Variants in DLG2 observed in about 807,000 individuals in gnomAD.
DLG2 encodes the protein disks large homolog 2.
In DLG2, 45 loss-of-function variants were observed where a neutral mutation model predicts 132.5. That is an observed-to-expected ratio of 0.34 (90% CI 0.27 to 0.44). The LOEUF (loss-of-function observed/expected upper bound fraction) is 0.44, where lower values mean the gene tolerates loss of function less well. DLG2 is among the 20% of genes least tolerant of loss of function. The pLI is 1.00. For missense variants in DLG2, 1,045 were observed against 1,196.9 expected (o/e 0.87, Z 1.87); for synonymous variants, 424 against 419.6 (o/e 1.01, Z -0.13).
chr11:85,589,735 T>C (rs2079191691), intron 3 of DLG2, among the ~76,000 whole-genome samples: 1 of 152,040 alleles, frequency 6.6e-6, no homozygotes, highest in South Asian at 2.1e-4. Context: ...AGCCTGCACA[T>C]GGGACTCAGA....
chr11:84,848,252 G>C (rs1480037964), intron 6 of DLG2, among the ~76,000 whole-genome samples: 1 of 152,106 alleles, frequency 6.6e-6, no homozygotes, highest in Non-Finnish European at 1.5e-5. Flanking sequence ...CCAGCACTTT[G>C]GGAGGCTGAG....
chr11:83,889,144 G>T (rs1280182960), intron 15 of DLG2, among the ~76,000 whole-genome samples: 1 of 152,052 alleles, frequency 6.6e-6, no homozygotes, highest in Non-Finnish European at 1.5e-5. Flanking sequence ...CACAGCAAAA[G>T]AAACTACCAT....
chr11:85,269,614 G>A (rs1595842339), intron 4 of DLG2, among the ~76,000 whole-genome samples: 1 of 152,266 alleles, frequency 6.6e-6, no homozygotes, highest in Non-Finnish European at 1.5e-5. Context: ...TAAGAAGCTT[G>A]GCATACTGTT....
At chr11:83,674,090 G>A (rs1175053230) in intron 18 of DLG2, among the ~76,000 whole-genome samples, 1 of 152,134 alleles carries the variant, frequency 6.6e-6, no homozygotes, top group Non-Finnish European at 1.5e-5. Flanking sequence ...AATAAGATGA[G>A]TATTACATAG....
At chr11:84,748,216 A>G (rs2065637391) in intron 6 of DLG2, among the ~76,000 whole-genome samples, 1 of 152,174 alleles carries the variant, frequency 6.6e-6, no homozygotes. Context: ...AGGCCTGCCA[A>G]CTAGATTCTC....
intron 21 of DLG2, among the ~76,000 whole-genome samples, chr11:83,523,837 G>A (rs927311657): frequency 2.6e-5 from 4 of 152,156 alleles, no homozygotes; most frequent in African/African-American, 9.7e-5. Flanking sequence ...GGCAGGGGCA[G>A]GGGGCGGGGT....
chr11:83,691,213 T>C (rs989004752), intron 18 of DLG2, among the ~76,000 whole-genome samples: 1 of 152,174 alleles, frequency 6.6e-6, no homozygotes, highest in Non-Finnish European at 1.5e-5. Flanking sequence ...AAGGCTGAAA[T>C]ATGCACTTGA....
intron 6 of DLG2, among the ~76,000 whole-genome samples, chr11:84,567,651 G>T (rs769193695): frequency 6.6e-6 from 1 of 152,108 alleles, no homozygotes; most frequent in Admixed American, 6.5e-5. Flanking sequence ...TGAAAGTAGC[G>T]GCTGTTACTT....
chr11:85,010,821 C>T (rs866069936), intron 6 of DLG2, among the ~76,000 whole-genome samples: 5 of 152,074 alleles, frequency 3.3e-5, no homozygotes, highest in South Asian at 4.1e-4. Flanking sequence ...TTGGTTTCCA[C>T]CGCAAAACAA....
intron 6 of DLG2, among the ~76,000 whole-genome samples, chr11:84,903,416 C>A (rs2091135373): frequency 6.6e-6 from 1 of 152,076 alleles, no homozygotes; most frequent in Non-Finnish European, 1.5e-5. Context: ...TTAGCTAAGG[C>A]CCCACCATTC....
In DLG2 at chr11:85,455,906, C is replaced by T. The variant is rs2092406392; in HGVS notation, c.40+142751G>A. 2.0e-5 allele frequency among the ~76,000 whole-genome samples: 3 copies of T among 152,108 alleles called. No homozygotes were observed. The South Asian group carries it at 6.2e-4, about 32-fold the overall frequency. On this transcript the variant is annotated intron_variant, in intron 3 of 27. Transcript: ENST00000376104. ...GGTGGATTAGATTTTTGATGTGCTGCTGAGTTCAGTTTGCTACTATTTTGT... is the reference window on the plus strand; with the variant it reads ...GGTGGATTAGATTTTTGATGTGCTGTTGAGTTCAGTTTGCTACTATTTTGT...
In DLG2 at chr11:84,611,628, AT is replaced by A. The variant is rs1196733887; in HGVS notation, c.358-76898del. 2.6e-5 allele frequency among the ~76,000 whole-genome samples: 4 copies of A among 152,092 alleles called. No homozygotes were observed. In the South Asian group the frequency reaches 6.2e-4, roughly 24 times the overall value. On this transcript the variant is annotated intron_variant, in intron 6 of 27. Coordinates refer to ENST00000376104, the MANE Select transcript of DLG2 (RefSeq NM_001142699.3). ...TGCCAGGAAACCAGTAATTAAAATC[AT>A]TTTTTTAAATAGCTGGTAAGTCAGC...
In DLG2 at chr11:84,973,996, T is replaced by C. The variant is rs1462437077; in HGVS notation, c.357+137665A>G. Among the ~76,000 whole-genome samples, 2 of 152,218 alleles carry C rather than the reference T, an allele frequency of 1.3e-5. 1 individual carries two copies. The highest frequency in any genetic ancestry group is 2.9e-5 in the Non-Finnish European group (2 of 68,052). ...TTTGGCCCACTAGCCACCATTTATT[T>C]ACTTATTTAAGATGAAAGTAGATAG... On this transcript the variant is annotated intron_variant, in intron 6 of 27. Coordinates refer to ENST00000376104, the MANE Select transcript of DLG2 (RefSeq NM_001142699.3).
At chr11:85,169,641 C>A (rs1200218506) in intron 4 of DLG2, among the ~76,000 whole-genome samples, 1 of 152,114 alleles carries the variant, frequency 6.6e-6, no homozygotes, top group Non-Finnish European at 1.5e-5. Context: ...ACCTTAAGAA[C>A]AGACAATAGT....
At chr11:84,727,346 T>C (rs1263695359) in intron 6 of DLG2, among the ~76,000 whole-genome samples, 1 of 152,200 alleles carries the variant, frequency 6.6e-6, no homozygotes. Context: ...ATTTATTAAA[T>C]AGGGAATCTT....
intron 7 of DLG2, among the ~76,000 whole-genome samples, chr11:84,507,387 G>A (rs2099244405): frequency 6.6e-6 from 1 of 152,296 alleles, no homozygotes; most frequent in African/African-American, 2.4e-5. Flanking sequence ...GAAGAGAAGT[G>A]ATGAGATTTA....
chr11:83,732,164 T>G (rs1401931786), intron 18 of DLG2, among the ~76,000 whole-genome samples: 1 of 152,206 alleles, frequency 6.6e-6, no homozygotes, highest in African/African-American at 2.4e-5. Flanking sequence ...AGCCATTTTG[T>G]GTTTTTGGAT....
chr11:83,507,508 C>CTA (rs1262065684), intron 21 of DLG2, among the ~76,000 whole-genome samples: 3 of 144,162 alleles, frequency 2.1e-5, no homozygotes, highest in South Asian at 2.2e-4. Context: ...TATATATCCT[C>CTA]TATATATATA....
rs534289089 is a variant in DLG2, at chr11:83,999,931, T to C, written c.920-19289A>G. 2.6e-4 allele frequency among the ~76,000 whole-genome samples: 37 copies of C among 142,980 alleles called. 2 individuals are homozygous for C. In the South Asian group the frequency reaches 8.7e-3, roughly 34 times the overall value. 93.8% of individuals were successfully genotyped at this position (142,980 alleles called of 152,430 possible). On this transcript the variant is annotated intron_variant, in intron 11 of 27. Coordinates refer to ENST00000376104, the MANE Select transcript of DLG2 (RefSeq NM_001142699.3). ...AGTGACTTATACCAGATCACACAGA[T>C]ATCAATGTAGTGACACTGGAAACAT... is the stretch of plus-strand genomic sequence containing the variant.
Sources: gnomAD v4.1 joint callset for allele counts (sites outside exome capture counted in the v4.1 genomes callset) on GRCh38, gnomAD v4.1.1 for gene constraint, MANE v1.5 for transcripts, NCBI Gene and HGNC (gene_info 2026-07-23, HGNC 2026-07-21) for gene names.